MAD1L1: variants seen among roughly 807,000 people sequenced by gnomAD.
MAD1L1 encodes mitotic arrest deficient 1 like 1.
A neutral mutation model predicts 96.9 loss-of-function variants in MAD1L1; 95 were observed. The ratio of observed to expected loss-of-function variants is 0.98; its 90% CI spans 0.83 to 1.16. MAD1L1 has a LOEUF of 1.16. MAD1L1 is among the 50% of genes most tolerant of loss of function. MAD1L1 has a pLI of 0.00. For missense variants in MAD1L1, 1,007 were observed against 954.4 expected (o/e 1.06, Z -0.73); for synonymous variants, 473 against 396.6 (o/e 1.19, Z -2.29).
chr7:2,061,816 TAAC>T (rs1174450606), intron 12 of MAD1L1, among the ~76,000 whole-genome samples: 9 of 152,358 alleles, frequency 5.9e-5, no homozygotes, highest in African/African-American at 2.2e-4. Flanking sequence ...ATGGAAAACT[TAAC>T]AGAGTAATTA....
At chr7:1,940,881 C>A (rs762339171) in intron 16 of MAD1L1, among the ~76,000 whole-genome samples, 1 of 151,318 alleles carries the variant, frequency 6.6e-6, no homozygotes, top group Non-Finnish European at 1.5e-5. Flanking sequence ...AGAACCAGGC[C>A]GCACAGCGTG....
intron 11 of MAD1L1, among the ~76,000 whole-genome samples, chr7:2,116,815 C>T (rs375565571): frequency 3.3e-5 from 5 of 152,218 alleles, no homozygotes; most frequent in African/African-American, 9.6e-5. Flanking sequence ...TCACCAAGTA[C>T]GAGGTGGTCT....
chr7:2,172,949 C>T (rs1790779432), intron 10 of MAD1L1, among the ~76,000 whole-genome samples: 2 of 152,266 alleles, frequency 1.3e-5, no homozygotes, highest in Non-Finnish European at 2.9e-5. Flanking sequence ...TGCACACATG[C>T]CTCTGGCTGA....
chr7:2,159,612 C>T (rs184842821), intron 10 of MAD1L1, among the ~76,000 whole-genome samples: 13 of 152,244 alleles, frequency 8.5e-5, no homozygotes, highest in Admixed American at 4.6e-4. Flanking sequence ...CCCAATAATA[C>T]GTTTTCAATA....
At chr7:2,181,811 T>C (rs1469836695) in intron 10 of MAD1L1, among the ~76,000 whole-genome samples, 1 of 148,590 alleles carries the variant, frequency 6.7e-6, no homozygotes, top group African/African-American at 2.4e-5. Context: ...AAATGTGGTC[T>C]CTATATATAT....
At chr7:2,085,795 G>A (rs1490869315) in intron 11 of MAD1L1, among the ~76,000 whole-genome samples, 7 of 152,186 alleles carry the variant, frequency 4.6e-5, no homozygotes, top group African/African-American at 9.6e-5. Context: ...ACGAGTGTTC[G>A]TGCAAACATG....
chr7:1,987,562 C>T (rs1781210675), intron 14 of MAD1L1, among the ~76,000 whole-genome samples: 1 of 151,118 alleles, frequency 6.6e-6, no homozygotes, highest in Admixed American at 6.6e-5. Flanking sequence ...GAAGGAAAGC[C>T]ATCGGGGAGG....
chr7:1,863,180 G>A (rs530465905), intron 18 of MAD1L1, among the ~76,000 whole-genome samples: 2 of 152,410 alleles, frequency 1.3e-5, no homozygotes, highest in South Asian at 2.1e-4. Context: ...CCTCAGCACG[G>A]GCTGAAGACC....
At chr7:1,865,170 G>A (rs1784721048) in intron 18 of MAD1L1, among the ~76,000 whole-genome samples, 1 of 152,174 alleles carries the variant, frequency 6.6e-6, no homozygotes, top group African/African-American at 2.4e-5. Flanking sequence ...CATGCGTGAG[G>A]CGTGCACAAG....
intron 13 of MAD1L1, among the ~76,000 whole-genome samples, chr7:2,006,190 G>A (rs1259827251): frequency 6.6e-6 from 1 of 152,210 alleles, no homozygotes; most frequent in African/African-American, 2.4e-5. Context: ...AGAGAACACA[G>A]ACGAGCAGGC....
At chr7:2,180,925 C>G (rs900152051) in intron 10 of MAD1L1, among the ~76,000 whole-genome samples, 4 of 152,182 alleles carry the variant, frequency 2.6e-5, no homozygotes, top group Non-Finnish European at 5.9e-5. Context: ...GAGCCTCCAG[C>G]ACAATGCTGA....
At chr7:2,133,889 G>C (rs188766797) in intron 11 of MAD1L1, among the ~76,000 whole-genome samples, 1 of 152,320 alleles carries the variant, frequency 6.6e-6, no homozygotes, top group Non-Finnish European at 1.5e-5. Context: ...CTGTTCCACA[G>C]ACCTGTTCGT....
At chr7:2,033,871 G>T (rs752907685) in intron 12 of MAD1L1, among the ~76,000 whole-genome samples, 2 of 152,224 alleles carry the variant, frequency 1.3e-5, no homozygotes, top group African/African-American at 4.8e-5. Context: ...GTGAGAGGCC[G>T]AGGCAGGAGA....
chr7:2,105,711 C>G (rs796194387), intron 11 of MAD1L1, among the ~76,000 whole-genome samples: 1 of 152,106 alleles, frequency 6.6e-6, no homozygotes, highest in Non-Finnish European at 1.5e-5. Context: ...TCCTCACCCC[C>G]GCACGGTCCA....
At chr7:2,227,833 A>G (rs1793982323) in intron 3 of MAD1L1, among the ~76,000 whole-genome samples, 2 of 152,236 alleles carry the variant, frequency 1.3e-5, no homozygotes, top group South Asian at 2.1e-4. Flanking sequence ...CACGACCGGC[A>G]GGGACCAGGA....
At chr7:1,914,056 G>A (rs1398399276) in intron 17 of MAD1L1, among the ~76,000 whole-genome samples, 2 of 152,272 alleles carry the variant, frequency 1.3e-5, no homozygotes, top group African/African-American at 4.8e-5. Flanking sequence ...CTCCTCTCCT[G>A]CAAGCCCAGG....
intron 16 of MAD1L1, among the ~76,000 whole-genome samples, chr7:1,947,122 C>A (rs1264739555): frequency 6.6e-6 from 1 of 152,208 alleles, no homozygotes; most frequent in Non-Finnish European, 1.5e-5. Flanking sequence ...GCTCATAAGA[C>A]CCGGAGCAGA....
chr7:1,892,732 C>T (rs116156393), intron 18 of MAD1L1, among the ~76,000 whole-genome samples: 2,804 of 152,300 alleles, frequency 0.018, 77 homozygotes, highest in African/African-American at 0.063. Flanking sequence ...GAATCTGTGC[C>T]GTCCACGCCT....
At chr7:1,908,612 G>A (rs1457941267) in intron 17 of MAD1L1, among the ~76,000 whole-genome samples, 1 of 152,128 alleles carries the variant, frequency 6.6e-6, no homozygotes, top group Non-Finnish European at 1.5e-5. Context: ...GGCCTCATGT[G>A]TGCCTCCCAC....
Sources: gnomAD v4.1 joint callset for allele counts (sites outside exome capture counted in the v4.1 genomes callset) on GRCh38, gnomAD v4.1.1 for gene constraint, MANE v1.5 for transcripts, NCBI Gene and HGNC (gene_info 2026-07-23, HGNC 2026-07-21) for gene names.